Variants in RPS6KA2 observed in about 807,000 individuals in gnomAD.
The protein encoded by RPS6KA2 is ribosomal protein S6 kinase alpha-2.
A neutral mutation model predicts 91.8 loss-of-function variants in RPS6KA2; 42 were observed. The ratio of observed to expected loss-of-function variants is 0.46; its 90% confidence interval spans 0.36 to 0.59. The LOEUF (loss-of-function observed/expected upper bound fraction) is 0.59, where lower values mean the gene tolerates loss of function less well. Ranked by LOEUF, RPS6KA2 falls within the 20% of genes least tolerant of loss-of-function variation. The probability of loss-of-function intolerance (pLI) is 0.00; values close to 1 mark genes in which losing one functional copy is unlikely to be tolerated. For missense variants in RPS6KA2, 798 were observed against 978.5 expected (o/e 0.82, Z 2.46); for synonymous variants, 414 against 393.6 (o/e 1.05, Z -0.61).
At position 166,434,084 on chromosome 6, in the gene RPS6KA2, C is replaced by G. The variant is rs146999800; in HGVS notation, c.1333-1594G>C. Among the ~76,000 whole-genome samples, 1 of 152,180 alleles carries G rather than the reference C, an allele frequency of 6.6e-6. No homozygotes were observed. The highest frequency in any genetic ancestry group is 1.5e-5 in the Non-Finnish European group (1 of 68,044). On this transcript the variant is annotated intron_variant, in intron 14 of 20. Coordinates refer to ENST00000265678, the MANE Select transcript of RPS6KA2 (RefSeq NM_021135.6). The surrounding 1 kb of genome is among the most constrained non-coding windows in gnomAD (Gnocchi z 4.4). ...TATTTCTTTACTTTAGAGAACCAAA[C>G]GCTTGGGTAGCATTTGACTCACTGC...
At position 166,495,708 on chromosome 6, in the gene RPS6KA2, C is replaced by T. The variant is rs189348147; in HGVS notation, c.747+2800G>A. On this transcript the variant is annotated intron_variant, in intron 8 of 20. Transcript: ENST00000265678. The surrounding 1 kb of genome is among the most constrained non-coding windows in gnomAD (Gnocchi z 4.4). Reference sequence around the variant, plus strand: ...ACTGGTGTTTAAGAAACTCCACGTGCCAGGAGACACTCACAGAGACAGACA... The same window carrying T: ...ACTGGTGTTTAAGAAACTCCACGTGTCAGGAGACACTCACAGAGACAGACA... Among the ~76,000 whole-genome samples the T allele has an allele frequency of 1.1e-4, 17 of 152,284 alleles. No homozygotes were observed. The highest frequency in any genetic ancestry group is 9.8e-4 in the Admixed American group (15 of 15,308).
chr6:166,551,675 T>C (rs1251435046), intron 1 of RPS6KA2, among the ~76,000 whole-genome samples: 1 of 152,016 alleles, frequency 6.6e-6, no homozygotes. Flanking sequence ...TTCTAAAAGA[T>C]TATGAAGCAT....
intron 2 of RPS6KA2, among the ~76,000 whole-genome samples, chr6:166,671,372 G>C (rs761489045): frequency 4.6e-5 from 7 of 152,150 alleles, no homozygotes; most frequent in Non-Finnish European, 8.8e-5. Context: ...TGGGTCGAAA[G>C]CATTTCCTAT....
exon 1 of RPS6KA2, chr6:166,862,237 C>T: frequency 6.2e-7 from 1 of 1,610,852 alleles, no homozygotes; most frequent in African/African-American, 1.3e-5. Context: ...GAGGCTCGGA[C>T]CGGCACAGGG....
intron 2 of RPS6KA2, among the ~76,000 whole-genome samples, chr6:166,689,962 T>C (rs1259455087): frequency 6.6e-6 from 1 of 152,246 alleles, no homozygotes; most frequent in African/African-American, 2.4e-5. Context: ...GTCCTGCTGC[T>C]GTGGCCAAGG....
chr6:166,645,353 G>A (rs1048672456), intron 2 of RPS6KA2, among the ~76,000 whole-genome samples: 5 of 152,136 alleles, frequency 3.3e-5, no homozygotes, highest in South Asian at 4.1e-4. Flanking sequence ...TCGTGTGGGG[G>A]AAGCTGTTTA....
Position 166,733,714 on chromosome 6 carries a change from C to A in RPS6KA2, c.123+124486G>T, listed in dbSNP as rs1036154253. Among the ~76,000 whole-genome samples, 1 of 152,112 alleles carries A rather than the reference C, an allele frequency of 6.6e-6. No homozygotes were observed. Among genetic ancestry groups the A allele is most frequent in the African/African-American group, 2.4e-5 (1 of 41,404 alleles). On this transcript the variant is annotated intron_variant, in intron 2 of 21. Transcript: ENST00000503859. This position sits in a 1 kb window ranked among gnomAD's most constrained non-coding sequence, Gnocchi z 4.1. Reference sequence around the variant, plus strand: ...GCACAGGTCACATTTCAGCGGGTTCCGGAGCTCACTCTAAGTGGGGAAGTG... The same window carrying A: ...GCACAGGTCACATTTCAGCGGGTTCAGGAGCTCACTCTAAGTGGGGAAGTG...
At chr6:166,615,647 T>C (rs916390) in intron 1 of RPS6KA2, among the ~76,000 whole-genome samples, 54,511 of 151,958 alleles carry the variant, frequency 0.36, 10,503 homozygotes, top group African/African-American at 0.51. Flanking sequence ...TCATACCAGG[T>C]AGGAAACAGC....
At position 166,665,319 on chromosome 6, in the gene RPS6KA2, G is replaced by A. The variant is rs1253274522; in HGVS notation, c.124-126535C>T. Among the ~76,000 whole-genome samples, 1 of 152,148 alleles carries A rather than the reference G, an allele frequency of 6.6e-6. No individual in the cohort carries two copies. The highest frequency in any genetic ancestry group is 2.4e-5 in the African/African-American group (1 of 41,428). On this transcript the variant is annotated intron_variant, in intron 2 of 21. Transcript: ENST00000503859. This position sits in a 1 kb window ranked among gnomAD's most constrained non-coding sequence, Gnocchi z 4.5. ...AAGAGTGTCCCTAAATTGATGTTAA[G>A]AATACTAATGAAGGATGAACTGAGT...
Position 166,767,272 on chromosome 6 carries a change from G to GTCTCACACGCTTCA in RPS6KA2, c.123+90914_123+90927dup, listed in dbSNP as rs1186592701. On this transcript the variant is annotated intron_variant, in intron 2 of 21. Coordinates refer to the RPS6KA2 transcript ENST00000503859. The surrounding 1 kb of genome is among the most constrained non-coding windows in gnomAD (Gnocchi z 4.6). ...AAAGCAAAATACAACTGCGACTACC[G>GTCTCACACGCTTCA]TCTCACACGCTTCAGCTTGCAAGGC... 1.3e-5 allele frequency among the ~76,000 whole-genome samples: 2 copies of GTCTCACACGCTTCA among 152,132 alleles called. No individual in the cohort carries two copies. The highest frequency in any genetic ancestry group is 6.5e-5 in the Admixed American group (1 of 15,268).
intron 3 of RPS6KA2, 28 bp from the exon 4 acceptor site, chr6:166,510,385 A>T: frequency 6.8e-7 from 1 of 1,460,446 alleles, no homozygotes; most frequent in Non-Finnish European, 9.5e-7. Context: ...AAAGGCTTTC[A>T]TGAGGCAGGA....
At chr6:166,790,359 T>C (rs1170131960) in intron 2 of RPS6KA2, among the ~76,000 whole-genome samples, 2 of 152,188 alleles carry the variant, frequency 1.3e-5, no homozygotes, top group East Asian at 3.8e-4. Context: ...AATATGGGAC[T>C]ACGTGAAAAG....
At chr6:166,746,531 C>T (rs1315646243) in intron 2 of RPS6KA2, among the ~76,000 whole-genome samples, 1 of 152,214 alleles carries the variant, frequency 6.6e-6, no homozygotes, top group African/African-American at 2.4e-5. Context: ...GCAAGATGTC[C>T]TTTAATTCAA....
intron 1 of RPS6KA2, among the ~76,000 whole-genome samples, chr6:166,552,447 G>C (rs1386748157): frequency 6.6e-6 from 1 of 152,168 alleles, no homozygotes; most frequent in Non-Finnish European, 1.5e-5. Context: ...CGAAAGATGT[G>C]GGCTTGAGAA....
intron 2 of RPS6KA2, among the ~76,000 whole-genome samples, chr6:166,706,758 C>T (rs978803912): frequency 3.3e-5 from 5 of 152,246 alleles, no homozygotes; most frequent in Admixed American, 6.5e-5. Context: ...AAATATCACA[C>T]GCACAGCCTG....
At chr6:166,820,652 T>C (rs993347632) in intron 2 of RPS6KA2, among the ~76,000 whole-genome samples, 5 of 152,238 alleles carry the variant, frequency 3.3e-5, no homozygotes, top group Non-Finnish European at 7.3e-5. Context: ...TCTTATAATA[T>C]TGAAAGGTTT....
At chr6:166,744,272 G>A (rs1023697651) in intron 2 of RPS6KA2, among the ~76,000 whole-genome samples, 2 of 152,188 alleles carry the variant, frequency 1.3e-5, no homozygotes, top group Non-Finnish European at 2.9e-5. Flanking sequence ...TGGTGGCAGG[G>A]TCCCTGGCTC....
In RPS6KA2 at chr6:166,557,318, C is replaced by G. The variant is rs1202034250; in HGVS notation, c.100-18534G>C. Among the ~76,000 whole-genome samples the G allele has an allele frequency of 6.6e-6, 1 of 152,206 alleles. No individual in the cohort carries two copies. The highest frequency in any genetic ancestry group is 6.5e-5 in the Admixed American group (1 of 15,286). On this transcript the variant is annotated intron_variant, in intron 1 of 20. Transcript: ENST00000265678. This position sits in a 1 kb window ranked among gnomAD's most constrained non-coding sequence, Gnocchi z 4.8. The stretch of plus-strand genomic sequence containing the variant: ...AAGAACAGCCCGCAGGGAAGACGCC[C>G]AAAACCTAAATCGACATAAACACGG...
chr6:166,687,677 A>C (rs1204292415), intron 2 of RPS6KA2, among the ~76,000 whole-genome samples: 1 of 152,250 alleles, frequency 6.6e-6, no homozygotes, highest in Non-Finnish European at 1.5e-5. Flanking sequence ...GGCTTATTGA[A>C]CTTTGATTTT....
Sources: gnomAD v4.1 joint callset for allele counts (sites outside exome capture counted in the v4.1 genomes callset) on GRCh38, gnomAD v4.1.1 for gene constraint, Gnocchi (gnomAD v3.1) non-coding constraint, MANE v1.5 for transcripts, NCBI Gene and HGNC (gene_info 2026-07-23, HGNC 2026-07-21) for gene names.